Variants in EXT2 observed in about 807,000 individuals in gnomAD.
The protein encoded by EXT2 is exostosin glycosyltransferase 2.
In EXT2, 53 loss-of-function variants were observed where a neutral mutation model predicts 81.6. The ratio of observed to expected loss-of-function variants is 0.65; its 90% CI spans 0.52 to 0.82. EXT2 has a LOEUF of 0.82. Ranked by LOEUF, EXT2 falls within the 40% of genes least tolerant of loss-of-function variation. EXT2 has a pLI of 0.00. For synonymous variants in EXT2, 320 were observed against 340.0 expected (o/e 0.94, Z 0.65); for missense variants, 774 against 910.2 (o/e 0.85, Z 1.93).
intron 8 of EXT2, among the ~76,000 whole-genome samples, chr11:44,179,384 TC>T (rs1439913435): frequency 6.6e-6 from 1 of 152,220 alleles, no homozygotes; most frequent in African/African-American, 2.4e-5. Context: ...TACTTAGAGT[TC>T]ACTTTTATGG....
At chr11:44,097,751 T>A (rs1372467966) in intron 1 of EXT2, among the ~76,000 whole-genome samples, 1 of 123,640 alleles carries the variant, frequency 8.1e-6, no homozygotes, top group African/African-American at 3.4e-5. Flanking sequence ...AGAGCAAGAC[T>A]CCATCTCAAA....
At chr11:44,156,343 CT>C (rs1438342924) in intron 7 of EXT2, among the ~76,000 whole-genome samples, 2 of 152,174 alleles carry the variant, frequency 1.3e-5, no homozygotes, top group African/African-American at 4.8e-5. Flanking sequence ...TCCACCTCTT[CT>C]TTAAGGCCAA....
At chr11:44,104,794 A>C (rs954204715) in intron 1 of EXT2, 1 of 152,238 alleles carries the variant, frequency 6.6e-6, no homozygotes, top group Non-Finnish European at 1.5e-5. Context: ...GTGGGCCTGC[A>C]GCTGGTAGGG....
intron 8 of EXT2, among the ~76,000 whole-genome samples, chr11:44,174,499 C>G (rs1955128049): frequency 6.6e-6 from 1 of 151,786 alleles, no homozygotes; most frequent in Admixed American, 6.6e-5. Context: ...TTCTTATACT[C>G]TAATAAAAGA....
chr11:44,108,239 A>G lies in EXT2; in HGVS notation c.527A>G (p.Gln176Arg). Residue 176 changes from glutamine (Q) to arginine (R), a missense_variant, in exon 2 of 14, where the codon CAG becomes CGG. Gln to Arg is a conservative substitution (Grantham distance 43, BLOSUM62 1). Transcript: ENST00000533608. Reference sequence around the variant, plus strand: ...AAGGAGACAGCACAAGCGATGGCCCAGCTCTCTAGGTATCTCACACTCATA... The same window carrying G: ...AAGGAGACAGCACAAGCGATGGCCCGGCTCTCTAGGTATCTCACACTCATA... The part of the protein sequence containing the change: ...RIKETAQAMA[Q>R]LSRWDRGTNH... 6.2e-7 allele frequency: 1 copy of G among 1,612,224 alleles called. No individual in the cohort carries two copies. Among genetic ancestry groups the G allele is most frequent in the Non-Finnish European group, 8.5e-7 (1 of 1,179,992 alleles).
At chr11:44,109,649 C>T (rs1391843531) in intron 3 of EXT2, among the ~76,000 whole-genome samples, 1 of 152,094 alleles carries the variant, frequency 6.6e-6, no homozygotes, top group Non-Finnish European at 1.5e-5. Context: ...TATGTAAAAG[C>T]GATACCCAAA....
chr11:44,198,454 C>T (rs1018168137), intron 9 of EXT2, among the ~76,000 whole-genome samples: 6 of 152,028 alleles, frequency 3.9e-5, no homozygotes, highest in Admixed American at 6.5e-5. Flanking sequence ...GTCCAGACTT[C>T]AAGTCAGGTC....
At chr11:44,215,917 C>G (rs186553805) in intron 10 of EXT2, among the ~76,000 whole-genome samples, 1 of 142,822 alleles carries the variant, frequency 7.0e-6, no homozygotes, top group Non-Finnish European at 1.5e-5. Flanking sequence ...TCGCCCAGGT[C>G]GGACTGCGGA....
intron 7 of EXT2, among the ~76,000 whole-genome samples, chr11:44,153,988 T>A (rs905203811): frequency 1.3e-5 from 2 of 151,858 alleles, no homozygotes; most frequent in Non-Finnish European, 2.9e-5. Flanking sequence ...TTTCTGTTTT[T>A]TTTTTAATTA....
At chr11:44,180,596 G>A (rs921366413) in intron 8 of EXT2, among the ~76,000 whole-genome samples, 2 of 152,052 alleles carry the variant, frequency 1.3e-5, no homozygotes, top group African/African-American at 2.4e-5. Context: ...CCCTCTCTTC[G>A]GTTCCAGTCT....
intron 10 of EXT2, among the ~76,000 whole-genome samples, chr11:44,217,506 C>T (rs1345112370): frequency 6.6e-6 from 1 of 152,162 alleles, no homozygotes. Context: ...CTGTGTGTTT[C>T]TGACTTGTTT....
At chr11:44,235,097 A>C (rs909510974) in intron 12 of EXT2, among the ~76,000 whole-genome samples, 14 of 152,144 alleles carry the variant, frequency 9.2e-5, no homozygotes, top group Admixed American at 7.2e-4. Context: ...TGCTCACCAA[A>C]CTTGCCCCAG....
At chr11:44,140,237 G>C (rs149359906) in intron 7 of EXT2, among the ~76,000 whole-genome samples, 1 of 152,134 alleles carries the variant, frequency 6.6e-6, no homozygotes, top group Admixed American at 6.5e-5. Context: ...CTCTGCTTGC[G>C]TGTCTTTGCC....
chr11:44,213,431 G>A (rs1955676724), intron 10 of EXT2, among the ~76,000 whole-genome samples: 1 of 152,134 alleles, frequency 6.6e-6, no homozygotes, highest in Admixed American at 6.5e-5. Flanking sequence ...GAATTATCTG[G>A]TAAAGATTTT....
At chr11:44,240,133 A>G (rs965398976) in intron 13 of EXT2, among the ~76,000 whole-genome samples, 3 of 152,192 alleles carry the variant, frequency 2.0e-5, no homozygotes, top group Non-Finnish European at 4.4e-5. Context: ...GGTTGGTTGA[A>G]TCTACAAACA....
At chr11:44,207,857 C>T (rs1457957997) in intron 10 of EXT2, among the ~76,000 whole-genome samples, 1 of 151,316 alleles carries the variant, frequency 6.6e-6, no homozygotes, top group Non-Finnish European at 1.5e-5. Flanking sequence ...AAAAGGAATC[C>T]CCTCCCCCCC....
chr11:44,147,951 T>C (rs931549553), intron 7 of EXT2, among the ~76,000 whole-genome samples: 2 of 152,082 alleles, frequency 1.3e-5, no homozygotes, highest in Non-Finnish European at 2.9e-5. Flanking sequence ...GAGCTGAGCA[T>C]CACGCTTGGA....
At chr11:44,184,392 G>T (rs553333157) in intron 8 of EXT2, among the ~76,000 whole-genome samples, 62 of 152,244 alleles carry the variant, frequency 4.1e-4, no homozygotes, top group African/African-American at 1.4e-3. Context: ...CTCTTTCCAC[G>T]TGAGAACTAC....
intron 7 of EXT2, among the ~76,000 whole-genome samples, chr11:44,159,935 G>T (rs1447190554): frequency 6.6e-6 from 1 of 152,192 alleles, no homozygotes; most frequent in Non-Finnish European, 1.5e-5. Flanking sequence ...CTTGCAAATA[G>T]GATAGGCTCT....
Sources: gnomAD v4.1 joint callset for allele counts (sites outside exome capture counted in the v4.1 genomes callset) on GRCh38, gnomAD v4.1.1 for gene constraint, MANE v1.5 for transcripts, NCBI Gene and HGNC (gene_info 2026-07-23, HGNC 2026-07-21) for gene names.